The following CTNNA2 variants were observed in gnomAD, a reference collection of about 807,000 sequenced individuals.
CTNNA2 encodes catenin alpha-2.
A neutral mutation model predicts 101.0 loss-of-function variants in CTNNA2; 42 were observed. That is an observed-to-expected ratio of 0.42 (90% CI 0.32 to 0.54). CTNNA2 has a LOEUF of 0.54. Among genes scored for constraint, CTNNA2 ranks in the 20% least tolerant of loss-of-function variants. The probability of loss-of-function intolerance (pLI) is 0.14; values close to 1 mark genes in which losing one functional copy is unlikely to be tolerated. For synonymous variants in CTNNA2, 450 were observed against 456.4 expected, an observed-to-expected ratio of 0.99 and a Z score of 0.18; for missense variants, 871 against 1,223.1, an observed-to-expected ratio of 0.71 and a Z score of 4.29.
chr2:79,849,503 A>G (rs1680505835), intron 3 of CTNNA2, among the ~76,000 whole-genome samples: 1 of 152,042 alleles, frequency 6.6e-6, no homozygotes, highest in African/African-American at 2.4e-5. Flanking sequence ...CCTTAGAGAA[A>G]AATTCTGATT....
At chr2:80,003,751 G>A (rs1036738417) in intron 7 of CTNNA2, among the ~76,000 whole-genome samples, 13 of 152,108 alleles carry the variant, frequency 8.5e-5, no homozygotes, top group Non-Finnish European at 1.8e-4. Context: ...TCAAATCCTG[G>A]TCACTCTAAA....
At chr2:80,462,352 C>T (rs115312409) in intron 9 of CTNNA2, among the ~76,000 whole-genome samples, 2,222 of 152,174 alleles carry the variant, frequency 0.015, 28 homozygotes, top group Non-Finnish European at 0.02. Flanking sequence ...CTGCTTTATA[C>T]GGGAAGACTT....
intron 2 of CTNNA2, among the ~76,000 whole-genome samples, chr2:79,728,938 C>A (rs1023127119): frequency 6.6e-6 from 1 of 152,072 alleles, no homozygotes; most frequent in African/African-American, 2.4e-5. Flanking sequence ...TGATCTATAT[C>A]TCTGTTTTGG....
chr2:79,889,176 C>T (rs1452765548), intron 6 of CTNNA2, among the ~76,000 whole-genome samples: 1 of 152,042 alleles, frequency 6.6e-6, no homozygotes, highest in Non-Finnish European at 1.5e-5. Context: ...GTGAAGTAAA[C>T]CACACACAAA....
chr2:80,365,086 G>A (rs566477481), intron 7 of CTNNA2, among the ~76,000 whole-genome samples: 77 of 152,188 alleles, frequency 5.1e-4, no homozygotes, highest in African/African-American at 1.8e-3. Context: ...CTGGCCTTGT[G>A]CCTCTTCCCA....
intron 1 of CTNNA2, among the ~76,000 whole-genome samples, chr2:79,546,511 A>G (rs1002554415): frequency 5.9e-5 from 9 of 152,168 alleles, no homozygotes; most frequent in African/African-American, 2.2e-4. Context: ...TAGTCCCTTT[A>G]TCTGGCAAAT....
rs749283707 is a variant in CTNNA2 at position 80,423,962 on chromosome 2, CT to C, written c.1290+4372del. On this transcript the variant is annotated intron_variant, in intron 9 of 18. Coordinates refer to ENST00000402739, the MANE Select transcript of CTNNA2 (RefSeq NM_001282597.3). ...GACTTAAAAACTGTCAGCAAACGTT[CT>C]TTTTTTTTTTGAGATGGAGTCTCGC... Among the ~76,000 whole-genome samples the C allele has an allele frequency of 3.1e-3, 448 of 146,094 alleles. 2 individuals are homozygous for C. Among genetic ancestry groups the C allele is most frequent in the African/African-American group, 8.7e-3 (350 of 40,066 alleles).
chr2:79,982,472 TACAC>T lies in CTNNA2; in HGVS notation c.1056+72701_1056+72704del, dbSNP rs60316453. ...AATCTGCTTATTACAGACTCCTAAC[TACAC>T]ACACACACACACACACACACACACA... is the stretch of plus-strand genomic sequence containing the variant. On this transcript the variant is annotated intron_variant, in intron 7 of 18. Transcript: ENST00000402739. Among the ~76,000 whole-genome samples, 421 of 139,726 alleles carry T rather than the reference TACAC, an allele frequency of 3.0e-3. 1 individual carries two copies. Among genetic ancestry groups the T allele is most frequent in the Middle Eastern group, 7.6e-3 (2 of 264 alleles). The allele number at this position is 139,726 out of a possible 152,430, so 91.7% of individuals were successfully genotyped here.
intron 7 of CTNNA2, among the ~76,000 whole-genome samples, chr2:79,985,171 A>T (rs1313283763): frequency 6.6e-6 from 1 of 150,728 alleles, no homozygotes; most frequent in East Asian, 2.0e-4. Context: ...TCTGTAGCCA[A>T]CTCCTCCACT....
At chr2:80,039,342 A>T (rs1695881615) in intron 7 of CTNNA2, among the ~76,000 whole-genome samples, 1 of 152,072 alleles carries the variant, frequency 6.6e-6, no homozygotes, top group African/African-American at 2.4e-5. Flanking sequence ...GGCTAGAATG[A>T]TTTTACTTTG....
intron 7 of CTNNA2, among the ~76,000 whole-genome samples, chr2:79,982,263 C>T (rs375448412): frequency 0.027 from 2,454 of 89,684 alleles, 167 homozygotes; most frequent in African/African-American, 0.095. Flanking sequence ...TACACACACA[C>T]ATAACATATA....
intron 4 of CTNNA2, among the ~76,000 whole-genome samples, chr2:79,496,064 AATAG>A (rs1361141372): frequency 1.1e-4 from 17 of 152,292 alleles, no homozygotes; most frequent in South Asian, 4.1e-4. Context: ...ATGTTCTAAA[AATAG>A]ATAGTGGTGA....
At chr2:80,429,779 G>A (rs779818649) in intron 9 of CTNNA2, among the ~76,000 whole-genome samples, 13 of 152,146 alleles carry the variant, frequency 8.5e-5, no homozygotes, top group Non-Finnish European at 1.5e-4. Flanking sequence ...CCAGCTTCAC[G>A]AGTCTTCACC....
intron 3 of CTNNA2, among the ~76,000 whole-genome samples, chr2:79,779,125 CTGT>C (rs893384609): frequency 1.1e-4 from 15 of 130,696 alleles, no homozygotes; most frequent in Admixed American, 4.5e-4. Flanking sequence ...AGCTGAAATT[CTGT>C]TGTTGTTTTT....
chr2:79,834,725 T>C (rs1679185342), intron 3 of CTNNA2, among the ~76,000 whole-genome samples: 1 of 151,556 alleles, frequency 6.6e-6, no homozygotes, highest in Admixed American at 6.6e-5. Context: ...AAAAATACAA[T>C]TAGTTGCATT....
chr2:80,571,812 A>G (rs964399411), intron 12 of CTNNA2, among the ~76,000 whole-genome samples: 5 of 152,148 alleles, frequency 3.3e-5, no homozygotes, highest in Non-Finnish European at 5.9e-5. Context: ...AGGATTCAGA[A>G]TAGGGCTGGG....
At chr2:79,360,502 C>T (rs1054410230) in intron 3 of CTNNA2, among the ~76,000 whole-genome samples, 17 of 152,100 alleles carry the variant, frequency 1.1e-4, no homozygotes, top group Non-Finnish European at 1.8e-4. Flanking sequence ...GAGGCTTGAG[C>T]GCCAGATGGA....
intron 7 of CTNNA2, among the ~76,000 whole-genome samples, chr2:80,141,031 T>C (rs1350064490): frequency 6.6e-6 from 1 of 152,138 alleles, no homozygotes; most frequent in Non-Finnish European, 1.5e-5. Flanking sequence ...TCCCTCCTTT[T>C]TAAAAATGTA....
rs142058088 is a variant in CTNNA2, at chr2:79,612,227, T to G, written c.-5-39325T>G. ...TGGCCAAATGGTTGCTGTGCTCCAGTATTCTTTTAGAATAATCCATATCAG... is the reference window on the plus strand; with the variant it reads ...TGGCCAAATGGTTGCTGTGCTCCAGGATTCTTTTAGAATAATCCATATCAG... On this transcript the variant is annotated intron_variant, in intron 1 of 18. Coordinates refer to ENST00000402739, the MANE Select transcript of CTNNA2 (RefSeq NM_001282597.3). Among the ~76,000 whole-genome samples the G allele has an allele frequency of 6.4e-4, 98 of 152,334 alleles. 1 individual carries two copies. Among genetic ancestry groups the G allele is most frequent in the African/African-American group, 2.3e-3 (95 of 41,578 alleles).
Sources: gnomAD v4.1 joint callset for allele counts (sites outside exome capture counted in the v4.1 genomes callset) on GRCh38, gnomAD v4.1.1 for gene constraint, MANE v1.5 for transcripts, NCBI Gene and HGNC (gene_info 2026-07-23, HGNC 2026-07-21) for gene names.